The following SYCP2L variants were observed in gnomAD, a reference collection of about 807,000 sequenced individuals.
The protein encoded by SYCP2L is synaptonemal complex protein 2 like, also known as synaptonemal complex protein 2-like.
Under a neutral mutation model 125.8 loss-of-function variants are expected in SYCP2L, and 98 were observed. That is an observed-to-expected ratio of 0.78 (90% CI 0.66 to 0.92). SYCP2L has a LOEUF of 0.92. Ranked by LOEUF, SYCP2L falls within the 40% of genes least tolerant of loss-of-function variation. SYCP2L has a pLI of 0.00. For missense variants in SYCP2L, 842 were observed against 936.4 expected, an observed-to-expected ratio of 0.90 and a Z score of 1.32; for synonymous variants, 317 against 325.4, an observed-to-expected ratio of 0.97 and a Z score of 0.28.
chr6:10,933,384 A>C (rs1421761514), intron 20 of SYCP2L, among the ~76,000 whole-genome samples: 1 of 152,250 alleles, frequency 6.6e-6, no homozygotes, highest in Admixed American at 6.5e-5. Context: ...GCAACAGATT[A>C]GTTTGCCAAC....
intron 9 of SYCP2L, among the ~76,000 whole-genome samples, 189 bp from the exon 10 acceptor site, chr6:10,907,353 C>CAAA (rs59459507): frequency 2.1e-4 from 29 of 139,142 alleles, no homozygotes; most frequent in African/African-American, 7.5e-4. Flanking sequence ...GAGACAATCT[C>CAAA]AAAAAAAAAA....
intron 14 of SYCP2L, among the ~76,000 whole-genome samples, chr6:10,924,066 T>C (rs527522100): frequency 5.3e-5 from 8 of 152,188 alleles, no homozygotes; most frequent in Admixed American, 2.0e-4. Context: ...ATTTTGCACA[T>C]TGGGGACAGT....
At chr6:10,955,089 A>G in intron 23 of SYCP2L, 27 bp from the exon 24 acceptor site, 2 of 1,527,784 alleles carry the variant, frequency 1.3e-6, no homozygotes, top group Non-Finnish European at 1.8e-6. Context: ...TTCGGGTCAA[A>G]AGGAAATGTG....
chr6:10,932,320 A>G (rs1421864171), intron 20 of SYCP2L, among the ~76,000 whole-genome samples: 1 of 152,142 alleles, frequency 6.6e-6, no homozygotes, highest in Non-Finnish European at 1.5e-5. Context: ...GCACCAATTC[A>G]AAGCCAACTT....
intron 25 of SYCP2L, among the ~76,000 whole-genome samples, 164 bp from the exon 26 acceptor site, chr6:10,958,620 A>G (rs902877558): frequency 4.6e-5 from 7 of 152,184 alleles, no homozygotes; most frequent in Non-Finnish European, 7.3e-5. Flanking sequence ...ACCTGGGGTA[A>G]TACCTGACAG....
chr6:10,891,567 G>A lies in SYCP2L; in HGVS notation c.64G>A (p.Asp22Asn). The A allele has an allele frequency of 6.2e-7, 1 of 1,600,554 alleles. No homozygotes were observed. The highest frequency in any genetic ancestry group is 1.1e-5 in the South Asian group (1 of 89,788). The change falls in exon 2 of 30, where the codon GAT (aspartate) becomes AAT (asparagine). Residue 22 changes from aspartate (D) to asparagine (N), a missense_variant. By Grantham distance (23) the Asp-to-Asn change is conservative (BLOSUM62 1). Transcript: ENST00000283141. ...GGAAGACAGGACTGGGAAGGCCCAG[G>A]ATGATGCTTTCTGGGTAAAGATCAA... ...IKEDRTGKAQ[D>N]DAFWLQSLIT...
intron 10 of SYCP2L, among the ~76,000 whole-genome samples, chr6:10,908,505 C>T (rs1427817278): frequency 3.9e-5 from 6 of 152,110 alleles, no homozygotes; most frequent in African/African-American, 1.2e-4. Context: ...ACAAAAATAG[C>T]GTATGGCTTT....
intron 23 of SYCP2L, among the ~76,000 whole-genome samples, chr6:10,947,664 A>G (rs1234859): frequency 0.97 from 147,409 of 152,196 alleles, 71,523 homozygotes; most frequent in East Asian, 1. Flanking sequence ...TCTCTTAGTT[A>G]TCCTAAGTAG....
chr6:10,923,626 C>T (rs773427460), intron 14 of SYCP2L, among the ~76,000 whole-genome samples: 3 of 151,128 alleles, frequency 2.0e-5, no homozygotes, highest in South Asian at 4.2e-4. Flanking sequence ...CTTCGTGATG[C>T]ACCCGCCTCG....
chr6:10,956,033 T>TC, intron 24 of SYCP2L, 103 bp from the exon 25 acceptor site: 2 of 919,692 alleles, frequency 2.2e-6, no homozygotes, highest in South Asian at 3.0e-5. Context: ...ATGGTTCGCA[T>TC]CTGTGCTTCC....
At chr6:10,924,751 G>A (rs1371240207) in intron 15 of SYCP2L, 110 bp downstream of exon 15, 1 of 1,086,528 alleles carries the variant, frequency 9.2e-7, no homozygotes, top group Non-Finnish European at 1.2e-6. Context: ...CAGAAAACCT[G>A]GTCTTTCAAA....
intron 20 of SYCP2L, among the ~76,000 whole-genome samples, chr6:10,934,494 C>T (rs1184944293): frequency 6.6e-6 from 1 of 152,200 alleles, no homozygotes; most frequent in African/African-American, 2.4e-5. Flanking sequence ...GCCTGGCCAA[C>T]ATGGCGAAAC....
intron 16 of SYCP2L, among the ~76,000 whole-genome samples, chr6:10,926,906 A>G (rs1581829659): frequency 6.6e-6 from 1 of 151,848 alleles, no homozygotes; most frequent in African/African-American, 2.4e-5. Flanking sequence ...CAGCCTCCCA[A>G]GTAGCTGGTA....
At chr6:10,898,145 A>C (rs115148455) in intron 5 of SYCP2L, 30 bp downstream of exon 5, 1 of 1,453,266 alleles carries the variant, frequency 6.9e-7, no homozygotes, top group South Asian at 1.2e-5. Context: ...TTCACTGAGC[A>C]GATGCCATTG....
intron 23 of SYCP2L, among the ~76,000 whole-genome samples, chr6:10,948,459 A>G (rs984398134): frequency 1.3e-5 from 2 of 152,204 alleles, no homozygotes; most frequent in Non-Finnish European, 2.9e-5. Context: ...TACAACTCAT[A>G]GAAACAGAGA....
chr6:10,887,107 A>T lies in SYCP2L; in HGVS notation c.-20A>T, dbSNP rs774009224. Reference sequence around the variant, plus strand: ...ACAAAGCTGAGCGGCGCGTCGCTTCAGGAACGAAGAAGCCTCGTTATGCAA... The same window carrying T: ...ACAAAGCTGAGCGGCGCGTCGCTTCTGGAACGAAGAAGCCTCGTTATGCAA... On this transcript the variant is annotated 5_prime_UTR_variant, in exon 1 of 30. Transcript: ENST00000283141. 1 of 1,614,094 alleles carries T rather than the reference A, an allele frequency of 6.2e-7. No homozygotes were observed. Among genetic ancestry groups the T allele is most frequent in the South Asian group, 1.1e-5 (1 of 91,070 alleles).
intron 25 of SYCP2L, 74 bp downstream of exon 25, chr6:10,956,316 G>C: frequency 1.8e-6 from 2 of 1,113,708 alleles, no homozygotes; most frequent in Non-Finnish European, 2.6e-6. Flanking sequence ...AAATAAGCCA[G>C]ACAGTACCAC....
At chr6:10,905,029 A>G (rs1780460385) in intron 8 of SYCP2L, among the ~76,000 whole-genome samples, 1 of 148,370 alleles carries the variant, frequency 6.7e-6, no homozygotes, top group Non-Finnish European at 1.5e-5. Context: ...AATCCCAGCT[A>G]CTTGGGAGGC....
intron 1 of SYCP2L, among the ~76,000 whole-genome samples, chr6:10,887,965 T>C (rs188685788): frequency 6.6e-6 from 1 of 151,900 alleles, no homozygotes; most frequent in East Asian, 1.9e-4. Flanking sequence ...AAAGCTGCCA[T>C]TCACTGAGCC....
Sources: gnomAD v4.1 joint callset for allele counts (sites outside exome capture counted in the v4.1 genomes callset) on GRCh38, gnomAD v4.1.1 for gene constraint, MANE v1.5 for transcripts, NCBI Gene and HGNC (gene_info 2026-07-23, HGNC 2026-07-21) for gene names.